CSMD1: variants seen among roughly 807,000 people sequenced by gnomAD.
CSMD1 encodes the protein CUB and sushi domain-containing protein 1.
Under a neutral mutation model 417.5 loss-of-function variants are expected in CSMD1, and 213 were observed. That is an observed-to-expected ratio of 0.51 (90% CI 0.46 to 0.57). CSMD1 has a LOEUF of 0.57. CSMD1 is among the 20% of genes least tolerant of loss of function. CSMD1 has a pLI of 0.00. For synonymous variants in CSMD1, 2,862 were observed against 1,736.8 expected (o/e 1.65, Z -16.11); for missense variants, 6,923 against 4,529.7 (o/e 1.53, Z -15.17).
At chr8:3,808,090 A>C (rs1307693614) in intron 5 of CSMD1, among the ~76,000 whole-genome samples, 1 of 152,178 alleles carries the variant, frequency 6.6e-6, no homozygotes, top group African/African-American at 2.4e-5. Context: ...TTGATTATAG[A>C]AGACCTGTTC....
intron 7 of CSMD1, among the ~76,000 whole-genome samples, chr8:3,693,989 G>C (rs1242474999): frequency 6.6e-6 from 1 of 150,780 alleles, no homozygotes; most frequent in Non-Finnish European, 1.5e-5. Flanking sequence ...TGTGTTGTTA[G>C]TGTGTGTGTG....
chr8:3,566,672 A>T (rs1381001547), intron 10 of CSMD1, among the ~76,000 whole-genome samples: 1 of 152,228 alleles, frequency 6.6e-6, no homozygotes, highest in African/African-American at 2.4e-5. Context: ...GAAGCATATT[A>T]AAAAAAGGTC....
At chr8:3,118,792 A>G (rs937268407) in intron 41 of CSMD1, among the ~76,000 whole-genome samples, 1 of 152,218 alleles carries the variant, frequency 6.6e-6, no homozygotes, top group Non-Finnish European at 1.5e-5. Flanking sequence ...TGCATTTAAT[A>G]AATAGTGTGT....
At chr8:4,747,145 G>C (rs1028049245) in intron 1 of CSMD1, among the ~76,000 whole-genome samples, 6 of 152,088 alleles carry the variant, frequency 3.9e-5, no homozygotes, top group African/African-American at 4.8e-5. Context: ...GAAGAGATTT[G>C]GCCAATCTTT....
chr8:3,870,035 G>A (rs115121295), intron 5 of CSMD1, among the ~76,000 whole-genome samples: 4,024 of 152,104 alleles, frequency 0.026, 97 homozygotes, highest in African/African-American at 0.056. Flanking sequence ...AAAAGTAGGC[G>A]TCTCTTCATT....
chr8:4,715,973 T>A (rs1808628763), intron 1 of CSMD1, among the ~76,000 whole-genome samples: 1 of 152,154 alleles, frequency 6.6e-6, no homozygotes, highest in African/African-American at 2.4e-5. Context: ...TCAGGTCCTG[T>A]GATGACTGCT....
chr8:4,256,017 C>G (rs1034781018), intron 3 of CSMD1, among the ~76,000 whole-genome samples: 1 of 152,172 alleles, frequency 6.6e-6, no homozygotes, highest in Non-Finnish European at 1.5e-5. Flanking sequence ...CTCATAAATA[C>G]AGCATGGAAA....
rs573968176 is a variant in CSMD1 at position 3,204,627 on chromosome 8, C to T, written c.4984+877G>A. Among the ~76,000 whole-genome samples, 101 of 152,282 alleles carry T rather than the reference C, an allele frequency of 6.6e-4. 1 individual carries two copies. Among genetic ancestry groups the T allele is most frequent in the Admixed American group, 1.5e-3 (23 of 15,290 alleles). ...AGAAGTTTACAAAAACACTGGCTCC[C>T]ACACACAAGTTTCTTACACATCAAA... On this transcript the variant is annotated intron_variant, in intron 31 of 69. Transcript: ENST00000635120.
intron 3 of CSMD1, among the ~76,000 whole-genome samples, chr8:4,325,915 T>G (rs57441674): frequency 6.6e-6 from 1 of 152,160 alleles, no homozygotes; most frequent in Non-Finnish European, 1.5e-5. Flanking sequence ...AGAGCAGATT[T>G]ACATGCTGGC....
chr8:4,314,882 G>C (rs1343335865), intron 3 of CSMD1, among the ~76,000 whole-genome samples: 1 of 152,168 alleles, frequency 6.6e-6, no homozygotes, highest in African/African-American at 2.4e-5. Context: ...CTTCCTGTTG[G>C]AGTGAAGAAC....
chr8:3,994,632 A>G (rs1815060826), intron 5 of CSMD1, among the ~76,000 whole-genome samples: 1 of 152,096 alleles, frequency 6.6e-6, no homozygotes, highest in South Asian at 2.1e-4. Flanking sequence ...TTAAAAAAAA[A>G]AGTCAGTTTC....
At chr8:3,808,297 T>C (rs930293528) in intron 5 of CSMD1, among the ~76,000 whole-genome samples, 1 of 152,194 alleles carries the variant, frequency 6.6e-6, no homozygotes, top group African/African-American at 2.4e-5. Context: ...TGTTGTTCTT[T>C]TTATATTAAT....
At chr8:4,779,653 C>A (rs914527094) in intron 1 of CSMD1, among the ~76,000 whole-genome samples, 3 of 152,180 alleles carry the variant, frequency 2.0e-5, no homozygotes, top group African/African-American at 7.2e-5. Flanking sequence ...CTGGCTTTAG[C>A]ATTTTTATAA....
rs150510528 is a variant in CSMD1, at chr8:4,118,415, T to C, written c.416-86316A>G. On this transcript the variant is annotated intron_variant, in intron 3 of 69. Transcript: ENST00000635120. Reference sequence around the variant, plus strand: ...TAAAGAAATTTACAAAAAAAAAAAATCAAAAAGTATACAAAGGATATGGAC... The same window carrying C: ...TAAAGAAATTTACAAAAAAAAAAAACCAAAAAGTATACAAAGGATATGGAC... 1.6e-3 allele frequency among the ~76,000 whole-genome samples: 235 copies of C among 145,896 alleles called. 1 individual carries two copies. Among genetic ancestry groups the C allele is most frequent in the African/African-American group, 5.7e-3 (226 of 39,370 alleles).
chr8:2,962,777 G>A (rs1192779389), intron 60 of CSMD1, 138 bp from the exon 61 acceptor site: 9 of 878,872 alleles, frequency 1.0e-5, no homozygotes, highest in Middle Eastern at 3.5e-4. Flanking sequence ...GGCCAGGCAC[G>A]GTGGCTCACG....
chr8:3,613,516 CA>C (rs1801988822), intron 8 of CSMD1, among the ~76,000 whole-genome samples: 1 of 151,764 alleles, frequency 6.6e-6, no homozygotes, highest in Admixed American at 6.6e-5. Context: ...AACATTTTAA[CA>C]AGTCAAATTC....
intron 3 of CSMD1, among the ~76,000 whole-genome samples, chr8:4,404,387 A>G (rs909283588): frequency 2.6e-5 from 4 of 152,160 alleles, no homozygotes; most frequent in Non-Finnish European, 5.9e-5. Flanking sequence ...TCAACGCTGT[A>G]TATGTAATCT....
intron 3 of CSMD1, among the ~76,000 whole-genome samples, chr8:4,043,713 T>G (rs1054893232): frequency 3.3e-5 from 5 of 152,296 alleles, no homozygotes; most frequent in African/African-American, 9.6e-5. Flanking sequence ...TTCAATTACC[T>G]TAAAATAAGA....
chr8:3,260,294 C>T (rs978357399), intron 26 of CSMD1, among the ~76,000 whole-genome samples: 1 of 152,126 alleles, frequency 6.6e-6, no homozygotes, highest in African/African-American at 2.4e-5. Flanking sequence ...AGAAACGCCA[C>T]CTCTGTGAGG....
Sources: gnomAD v4.1 joint callset for allele counts (sites outside exome capture counted in the v4.1 genomes callset) on GRCh38, gnomAD v4.1.1 for gene constraint, MANE v1.5 for transcripts, NCBI Gene and HGNC (gene_info 2026-07-23, HGNC 2026-07-21) for gene names.